The following RBMS3 variants were observed in gnomAD, a reference collection of about 807,000 sequenced individuals.
The protein encoded by RBMS3 is RNA binding motif single stranded interacting protein 3.
In RBMS3, 27 loss-of-function variants were observed where a neutral mutation model predicts 66.8. The observed-to-expected ratio is 0.40, with a 90% CI of 0.30 to 0.56. The LOEUF is 0.56. Among genes scored for constraint, RBMS3 ranks in the 20% least tolerant of loss-of-function variants. RBMS3 has a pLI of 0.40. For synonymous variants in RBMS3, 188 were observed against 183.0 expected, an observed-to-expected ratio of 1.03 and a Z score of -0.22; for missense variants, 513 against 549.5, an observed-to-expected ratio of 0.93 and a Z score of 0.66.
chr3:29,681,372 A>G (rs2051486664), intron 4 of RBMS3, among the ~76,000 whole-genome samples: 2 of 152,092 alleles, frequency 1.3e-5, no homozygotes, highest in Admixed American at 1.3e-4. Flanking sequence ...GTTAATGGGT[A>G]CATGTGCAGC....
chr3:29,866,135 A>T (rs1409788082), intron 6 of RBMS3, among the ~76,000 whole-genome samples: 1 of 151,650 alleles, frequency 6.6e-6, no homozygotes, highest in Non-Finnish European at 1.5e-5. Context: ...GGTTAAAAAA[A>T]GACTATATTT....
chr3:29,323,573 AG>A (rs2035133470), intron 1 of RBMS3, among the ~76,000 whole-genome samples: 1 of 152,082 alleles, frequency 6.6e-6, no homozygotes, highest in Non-Finnish European at 1.5e-5. Flanking sequence ...AACAGTAGAA[AG>A]AAACAAACAT....
At chr3:29,952,607 A>C (rs1000686819) in intron 12 of RBMS3, among the ~76,000 whole-genome samples, 14 of 151,832 alleles carry the variant, frequency 9.2e-5, no homozygotes, top group Admixed American at 3.9e-4. Flanking sequence ...CTTAAAATGA[A>C]ATCTGCTGTT....
intron 3 of RBMS3, among the ~76,000 whole-genome samples, chr3:29,574,315 G>A (rs1365210774): frequency 6.6e-6 from 1 of 152,118 alleles, no homozygotes; most frequent in Non-Finnish European, 1.5e-5. Flanking sequence ...ATGTAAGGAC[G>A]TTCTTTGTCT....
At chr3:29,974,690 T>C (rs1291894358) in intron 12 of RBMS3, among the ~76,000 whole-genome samples, 1 of 151,180 alleles carries the variant, frequency 6.6e-6, no homozygotes, top group Non-Finnish European at 1.5e-5. Flanking sequence ...AATAATACAG[T>C]GTAAAACCTT....
intron 6 of RBMS3, among the ~76,000 whole-genome samples, chr3:29,831,080 A>G (rs1052205830): frequency 6.6e-6 from 1 of 152,188 alleles, no homozygotes; most frequent in Non-Finnish European, 1.5e-5. Flanking sequence ...ATCATATTTA[A>G]AATAACAGAT....
chr3:29,435,822 A>C (rs1299579877), intron 2 of RBMS3, among the ~76,000 whole-genome samples: 1 of 152,028 alleles, frequency 6.6e-6, no homozygotes, highest in African/African-American at 2.4e-5. Flanking sequence ...AAAATACAAA[A>C]AAATTAGACG....
intron 4 of RBMS3, among the ~76,000 whole-genome samples, chr3:29,595,890 A>G (rs532093824): frequency 6.6e-6 from 1 of 152,310 alleles, no homozygotes; most frequent in South Asian, 2.1e-4. Flanking sequence ...TTCTTATGAT[A>G]CTAGGAGGAA....
intron 1 of RBMS3, among the ~76,000 whole-genome samples, chr3:29,285,915 A>G (rs1314591148): frequency 6.6e-6 from 1 of 152,142 alleles, no homozygotes; most frequent in African/African-American, 2.4e-5. Flanking sequence ...CACCCTCCTT[A>G]CACATGAAAA....
At chr3:29,618,774 T>C (rs966949663) in intron 4 of RBMS3, among the ~76,000 whole-genome samples, 4 of 152,210 alleles carry the variant, frequency 2.6e-5, no homozygotes, top group African/African-American at 9.7e-5. Flanking sequence ...CTAAATGCCG[T>C]AATAATTTTG....
intron 4 of RBMS3, chr3:29,616,050 G>C (rs1028418765): frequency 1.3e-5 from 2 of 152,202 alleles, no homozygotes; most frequent in Non-Finnish European, 2.9e-5. Flanking sequence ...ACATGACAGG[G>C]AGACAGCTCA....
chr3:29,733,724 GTTGA>G, intron 4 of RBMS3, among the ~76,000 whole-genome samples: 1 of 151,970 alleles, frequency 6.6e-6, no homozygotes, highest in Non-Finnish European at 1.5e-5. Context: ...TCCTTACTCG[GTTGA>G]TTGTTTCCTT....
intron 4 of RBMS3, among the ~76,000 whole-genome samples, chr3:29,670,438 G>A (rs1363069774): frequency 5.3e-5 from 8 of 152,152 alleles, no homozygotes; most frequent in South Asian, 2.1e-4. Context: ...AGTGTGAGCC[G>A]AAGCAGGGCA....
intron 2 of RBMS3, among the ~76,000 whole-genome samples, chr3:29,481,028 G>A (rs1216146707): frequency 6.6e-6 from 1 of 152,164 alleles, no homozygotes; most frequent in Non-Finnish European, 1.5e-5. Flanking sequence ...ATTGGATCCT[G>A]CTTTTGCTAC....
chr3:29,701,134 G>A lies in RBMS3; in HGVS notation c.400-38586G>A, dbSNP rs151221458. On this transcript the variant is annotated intron_variant, in intron 4 of 14. Transcript: ENST00000383767. ...TCTACTAAAAATACAAAAATTAGCC[G>A]GACGTGGTGGCGGGCTCCTGTAATC... is the stretch of plus-strand genomic sequence containing the variant. 3.8e-3 allele frequency among the ~76,000 whole-genome samples: 571 copies of A among 152,074 alleles called. 3 individuals carry two copies. The highest frequency in any genetic ancestry group is 0.013 in the African/African-American group (522 of 41,488).
intron 4 of RBMS3, among the ~76,000 whole-genome samples, chr3:29,613,390 C>G (rs1052046152): frequency 1.3e-5 from 2 of 152,056 alleles, no homozygotes; most frequent in Admixed American, 1.3e-4. Context: ...CACATGAATG[C>G]TTTTTGATGG....
intron 2 of RBMS3, among the ~76,000 whole-genome samples, chr3:29,452,380 G>A (rs1007437472): frequency 3.3e-5 from 5 of 152,030 alleles, no homozygotes; most frequent in Admixed American, 1.3e-4. Context: ...TGGAGGCTTT[G>A]ACCTGGTTCT....
At position 30,010,075 on chromosome 3, in the gene RBMS3, A is replaced by T. The variant is rs894984442; in HGVS notation, c.*6213A>T. 5.2e-5 allele frequency: 5 copies of T among 95,934 alleles called. No homozygotes were observed. The highest frequency in any genetic ancestry group is 2.8e-4 in the East Asian group (1 of 3,530). The allele number at this position is 95,934 out of a possible 1,614,324, so 5.9% of individuals were successfully genotyped here. On this transcript the variant is annotated 3_prime_UTR_variant, in exon 15 of 15. Coordinates refer to ENST00000383767, the MANE Select transcript of RBMS3 (RefSeq NM_001003793.3). ...CTGCTATGAGATATTCAGTCTCTAT[A>T]AAAAAAAAAAGGGACACAGCTTCTT... is the stretch of plus-strand genomic sequence containing the variant.
rs777887163 is a variant in RBMS3, at chr3:29,868,958, A to G, written c.738A>G (p.Glu246=). The G allele has an allele frequency of 6.3e-7, 1 of 1,592,840 alleles. No homozygotes were observed. Among genetic ancestry groups the G allele is most frequent in the Non-Finnish European group, 8.6e-7 (1 of 1,168,132 alleles). The change falls in exon 7 of 15, where the codon GAA becomes GAG. Residue 246 remains glutamate, a synonymous_variant. Transcript: ENST00000383767. ...AGAATGGGAGGCCTTGGCCCAGGGA[A>G]GGAGAGGTGAGTCCTGACTGATAAC... ...YTQNGRPWPR[E]GEAGMALTYD...
Sources: allele counts gnomAD v4.1 joint callset (sites outside exome capture counted in the v4.1 genomes callset), GRCh38; gene constraint gnomAD v4.1.1; transcripts MANE v1.5; gene names NCBI Gene and HGNC (gene_info 2026-07-23, HGNC 2026-07-21).